Variants in EGFR observed in about 807,000 individuals in gnomAD.
EGFR encodes epidermal growth factor receptor, also known as avian erythroblastic leukemia viral (v-erb-b) oncogene homolog.
Under a neutral mutation model 143.0 loss-of-function variants are expected in EGFR, and 58 were observed. The ratio of observed to expected loss-of-function variants is 0.41; its 90% CI spans 0.33 to 0.50. The LOEUF (loss-of-function observed/expected upper bound fraction) is 0.50, where lower values mean the gene tolerates loss of function less well. Among genes scored for constraint, EGFR ranks in the 20% least tolerant of loss-of-function variants. The pLI, the probability that EGFR is intolerant of heterozygous loss-of-function variation, is 0.39. For missense variants in EGFR, 1,307 were observed against 1,579.0 expected, an observed-to-expected ratio of 0.83 and a Z score of 2.92; for synonymous variants, 613 against 594.4, an observed-to-expected ratio of 1.03 and a Z score of -0.45.
chr7:55,193,385 C>G (rs896554721), intron 22 of EGFR, among the ~76,000 whole-genome samples: 4 of 152,146 alleles, frequency 2.6e-5, no homozygotes, highest in Non-Finnish European at 4.4e-5. Context: ...TGGGGATTCT[C>G]TGTTTCCTCT....
At chr7:55,133,223 T>C (rs1793954293) in intron 1 of EGFR, among the ~76,000 whole-genome samples, 1 of 152,144 alleles carries the variant, frequency 6.6e-6, no homozygotes, top group Non-Finnish European at 1.5e-5. Context: ...TGAGGGCCTG[T>C]CTAGGAAGAG....
At chr7:55,102,135 G>A (rs967421739) in intron 1 of EGFR, among the ~76,000 whole-genome samples, 1 of 152,090 alleles carries the variant, frequency 6.6e-6, no homozygotes, top group African/African-American at 2.4e-5. Flanking sequence ...CTCCACAGAA[G>A]CCCACTTATG....
At chr7:55,160,391 A>T (rs1785638937) in intron 12 of EGFR, 53 bp downstream of exon 12, 1 of 1,565,280 alleles carries the variant, frequency 6.4e-7, no homozygotes, top group Non-Finnish European at 8.7e-7. Flanking sequence ...TGGGTCCTTT[A>T]TTTGTATTTA....
intron 1 of EGFR, among the ~76,000 whole-genome samples, chr7:55,066,917 A>G (rs1789539545): frequency 6.6e-6 from 1 of 152,242 alleles, no homozygotes; most frequent in Admixed American, 6.5e-5. Context: ...TAAACCATGC[A>G]TCCACAGAGA....
chr7:55,098,056 A>G (rs1562711977), intron 1 of EGFR, among the ~76,000 whole-genome samples: 1 of 152,238 alleles, frequency 6.6e-6, no homozygotes, highest in Non-Finnish European at 1.5e-5. Flanking sequence ...TACTGCTAAC[A>G]TAAATAAAAT....
intron 1 of EGFR, among the ~76,000 whole-genome samples, chr7:55,107,257 G>A (rs1792191409): frequency 6.6e-6 from 1 of 152,054 alleles, no homozygotes; most frequent in South Asian, 2.1e-4. Flanking sequence ...CTGATAGTAG[G>A]TGTGTACTTT....
intron 22 of EGFR, 59 bp downstream of exon 22, chr7:55,192,900 T>C: frequency 1.4e-6 from 2 of 1,436,880 alleles, no homozygotes; most frequent in East Asian, 2.3e-5. Context: ...CTTTTATTGT[T>C]AGTTAATTTA....
chr7:55,020,893 A>G (rs947287057), intron 1 of EGFR, among the ~76,000 whole-genome samples: 3 of 151,718 alleles, frequency 2.0e-5, no homozygotes, highest in Non-Finnish European at 4.4e-5. Flanking sequence ...ATTAAAAAAA[A>G]AAAAATCAAA....
chr7:55,198,711 T>C lies in EGFR; in HGVS notation c.2702-6T>C, dbSNP rs2128968602. 1 of 1,614,228 alleles carries C rather than the reference T, an allele frequency of 6.2e-7. No homozygotes were observed. The highest frequency in any genetic ancestry group is 8.5e-7 in the Non-Finnish European group (1 of 1,180,020). On this transcript the variant is annotated splice_region_variant and splice_polypyrimidine_tract_variant and intron_variant, in intron 22 of 27. Transcript: ENST00000275493. ...ACTGCCTTCTTTTCTTGCTTCATCCTCTCAGGGGTGACTGTTTGGGAGTTG... is the reference window on the plus strand; with the variant it reads ...ACTGCCTTCTTTTCTTGCTTCATCCCCTCAGGGGTGACTGTTTGGGAGTTG...
In EGFR at chr7:55,087,163, G is replaced by A. The variant is rs566185849; in HGVS notation, c.89-55123G>A. ...AAGCGGGGGGAAGAGAGGATGGCTC[G>A]GATGCTGCATTTCCACTGAGAACAC... On this transcript the variant is annotated intron_variant, in intron 1 of 27. Coordinates refer to ENST00000275493, the MANE Select transcript of EGFR (RefSeq NM_005228.5). Among the ~76,000 whole-genome samples the A allele has an allele frequency of 1.5e-4, 23 of 151,326 alleles. No homozygotes were observed. The East Asian group carries it at 2.2e-3, about 14-fold the overall frequency.
intron 1 of EGFR, among the ~76,000 whole-genome samples, chr7:55,042,184 C>T (rs1418145045): frequency 2.6e-5 from 4 of 152,174 alleles, no homozygotes; most frequent in Admixed American, 1.3e-4. Flanking sequence ...TTAAAGATTA[C>T]ATCAAAGAAA....
At chr7:55,143,044 C>T (rs1794553350) in intron 2 of EGFR, among the ~76,000 whole-genome samples, 1 of 152,222 alleles carries the variant, frequency 6.6e-6, no homozygotes, top group Non-Finnish European at 1.5e-5. Context: ...CCCCGTGAGG[C>T]ATGAGAGCAC....
rs1335136750 is a variant in EGFR at position 55,208,015 on chromosome 7, A to T, written c.*2398A>T. On this transcript the variant is annotated 3_prime_UTR_variant, in exon 28 of 28. Coordinates refer to ENST00000275493, the MANE Select transcript of EGFR (RefSeq NM_005228.5). ...GGCAGGTCAGTTGTAAGTGAGTCAC[A>T]TTGTAGCATTAAATTCTAGTATTTT... 6.6e-6 allele frequency: 1 copy of T among 152,244 alleles called. No individual in the cohort carries two copies. The highest frequency in any genetic ancestry group is 1.9e-4 in the East Asian group (1 of 5,198). 9.4% of individuals were successfully genotyped at this position (152,244 alleles called of 1,614,324 possible).
At chr7:55,143,086 T>A in intron 2 of EGFR, among the ~76,000 whole-genome samples, 1 of 152,238 alleles carries the variant, frequency 6.6e-6, no homozygotes, top group East Asian at 1.9e-4. Flanking sequence ...CTGCTCATTA[T>A]CACAGGGGTC....
At chr7:55,101,502 G>A (rs958782240) in intron 1 of EGFR, among the ~76,000 whole-genome samples, 1 of 152,076 alleles carries the variant, frequency 6.6e-6, no homozygotes, top group Non-Finnish European at 1.5e-5. Flanking sequence ...AACCTGTCAC[G>A]AATCCATGAA....
intron 1 of EGFR, among the ~76,000 whole-genome samples, chr7:55,126,256 G>T (rs1291846669): frequency 2.0e-5 from 3 of 152,202 alleles, no homozygotes; most frequent in Non-Finnish European, 4.4e-5. Flanking sequence ...CTTCCTGAGG[G>T]CAGGAACAGC....
Position 55,154,069 on chromosome 7 carries a change from T to C in EGFR, c.806T>C (p.Leu269Pro), listed in dbSNP as rs2128934975. 6.2e-7 allele frequency: 1 copy of C among 1,614,178 alleles called. No homozygotes were observed. Among genetic ancestry groups the C allele is most frequent in the African/African-American group, 1.3e-5 (1 of 75,036 alleles). Reference protein sequence around the residue: ...TCKDTCPPLMLYNPTTYQMDV... With the variant: ...TCKDTCPPLMPYNPTTYQMDV... Reference sequence around the variant, plus strand: ...AAGGACACCTGCCCCCCACTCATGCTCTACAACCCCACCACGTACCAGATG... The same window carrying C: ...AAGGACACCTGCCCCCCACTCATGCCCTACAACCCCACCACGTACCAGATG... Residue 269 changes from leucine (L) to proline (P), a missense_variant, in exon 7 of 28, where the codon CTC (leucine) becomes CCC (proline). Physicochemically the swap from Leu to Pro is moderately conservative, Grantham distance 98. Around this residue, in one of 7 missense-constraint regions of EGFR, gnomAD observed 311 missense variants for 412.3 expected, o/e 0.75. Transcript: ENST00000275493.
chr7:55,061,425 C>T (rs1028273056), intron 1 of EGFR, among the ~76,000 whole-genome samples: 7 of 152,134 alleles, frequency 4.6e-5, no homozygotes, highest in Non-Finnish European at 1.0e-4. Context: ...TACAATTCTC[C>T]CATGTCAATG....
At chr7:55,061,295 A>G (rs1789150613) in intron 1 of EGFR, among the ~76,000 whole-genome samples, 1 of 152,220 alleles carries the variant, frequency 6.6e-6, no homozygotes, top group East Asian at 1.9e-4. Context: ...GGCCTTCACA[A>G]ACTGGCCCAC....
Sources: gnomAD v4.1 joint callset for allele counts (sites outside exome capture counted in the v4.1 genomes callset) on GRCh38, gnomAD v4.1.1 for gene constraint, gnomAD v4.1.1 regional missense constraint, MANE v1.5 for transcripts, NCBI Gene and HGNC (gene_info 2026-07-23, HGNC 2026-07-21) for gene names.